The following SYNE1 variants were observed in gnomAD, a reference collection of about 807,000 sequenced individuals.
SYNE1 encodes nesprin-1.
Under a neutral mutation model 1,111.0 loss-of-function variants are expected in SYNE1, and 616 were observed. The ratio of observed to expected loss-of-function variants is 0.55; its 90% CI spans 0.52 to 0.59. The LOEUF is 0.59. Ranked by LOEUF, SYNE1 falls within the 20% of genes least tolerant of loss-of-function variation. The probability of loss-of-function intolerance (pLI) is 0.00; values close to 1 mark genes in which losing one functional copy is unlikely to be tolerated. For missense variants in SYNE1, 10,006 were observed against 10,417.0 expected, an observed-to-expected ratio of 0.96 and a Z score of 1.72; for synonymous variants, 3,855 against 3,825.8, an observed-to-expected ratio of 1.01 and a Z score of -0.28.
intron 4 of SYNE1, among the ~76,000 whole-genome samples, chr6:152,528,647 G>T (rs997036701): frequency 6.6e-6 from 1 of 152,130 alleles, no homozygotes; most frequent in Non-Finnish European, 1.5e-5. Flanking sequence ...TAATTTATTG[G>T]ATCTTGACTT....
At chr6:152,234,221 A>G (rs2083450769) in intron 111 of SYNE1, among the ~76,000 whole-genome samples, 1 of 152,230 alleles carries the variant, frequency 6.6e-6, no homozygotes, top group South Asian at 2.1e-4. Flanking sequence ...GAACACACAT[A>G]GTCAACATTA....
In SYNE1 at chr6:152,224,542, C is replaced by T. The variant is rs370065996; in HGVS notation, c.21474G>A (p.Leu7158=). 1.7e-5 allele frequency: 27 copies of T among 1,613,904 alleles called. No individual in the cohort carries two copies. The highest frequency in any genetic ancestry group is 1.0e-4 in the Admixed American group (6 of 59,998). ...GCACAGCTTCTAAGGAGCCAGTCAGCAGACGGAATCGGGAAAGAGAGTATC... is the reference window on the plus strand; with the variant it reads ...GCACAGCTTCTAAGGAGCCAGTCAGTAGACGGAATCGGGAAAGAGAGTATC... The part of the protein sequence containing the change: ...EARYSLSRFR[L]LTGSLEAVQV... Residue 7158 remains leucine (L), a synonymous_variant, in exon 117 of 146, where the codon CTG becomes CTA. Coordinates refer to ENST00000367255, the MANE Select transcript of SYNE1 (RefSeq NM_182961.4).
intron 46 of SYNE1, among the ~76,000 whole-genome samples, chr6:152,403,469 C>G (rs1391325215): frequency 1.3e-5 from 2 of 152,154 alleles, no homozygotes; most frequent in African/African-American, 2.4e-5. Context: ...ACCTGTAATC[C>G]CAGCACTTTG....
intron 130 of SYNE1, among the ~76,000 whole-genome samples, chr6:152,171,381 C>T (rs1027943038): frequency 6.6e-6 from 1 of 152,190 alleles, no homozygotes; most frequent in African/African-American, 2.4e-5. Flanking sequence ...TCAGCAAATA[C>T]GGGAGTGACT....
chr6:152,529,958 A>G (rs2099187966), intron 4 of SYNE1, among the ~76,000 whole-genome samples: 1 of 152,162 alleles, frequency 6.6e-6, no homozygotes, highest in South Asian at 2.1e-4. Flanking sequence ...CATTATTAGC[A>G]TAAAAAGATC....
At chr6:152,528,705 A>G (rs1009656194) in intron 4 of SYNE1, among the ~76,000 whole-genome samples, 26 of 152,288 alleles carry the variant, frequency 1.7e-4, no homozygotes, top group Non-Finnish European at 2.8e-4. Context: ...CCATGCCAGT[A>G]TATGTTAGAT....
chr6:152,374,175 A>G (rs977158506), intron 58 of SYNE1, among the ~76,000 whole-genome samples: 2 of 152,228 alleles, frequency 1.3e-5, no homozygotes, highest in African/African-American at 4.8e-5. Context: ...GTAGTTTAAT[A>G]AAGTGTAGCT....
chr6:152,537,735 C>T (rs1472620346), intron 4 of SYNE1, among the ~76,000 whole-genome samples: 1 of 152,154 alleles, frequency 6.6e-6, no homozygotes, highest in African/African-American at 2.4e-5. Context: ...ATTTGACTTC[C>T]TCTTTTCCTA....
At chr6:152,454,343 G>A (rs1202662663) in intron 24 of SYNE1, among the ~76,000 whole-genome samples, 1 of 152,284 alleles carries the variant, frequency 6.6e-6, no homozygotes, top group African/African-American at 2.4e-5. Flanking sequence ...GAGGTCATGG[G>A]GATGGGGTCC....
At chr6:152,522,544 A>T (rs2099144828) in intron 5 of SYNE1, among the ~76,000 whole-genome samples, 1 of 152,084 alleles carries the variant, frequency 6.6e-6, no homozygotes, top group South Asian at 2.1e-4. Flanking sequence ...CTTTGAAATA[A>T]TGACTTCTTT....
chr6:152,596,883 C>T (rs1033205437), intron 3 of SYNE1, among the ~76,000 whole-genome samples: 1 of 152,194 alleles, frequency 6.6e-6, no homozygotes, highest in African/African-American at 2.4e-5. Context: ...TCACAAAGGA[C>T]TGGTCCTCTC....
At position 152,255,705 on chromosome 6, in the gene SYNE1, C is replaced by T. The variant is rs985200493; in HGVS notation, c.19146G>A (p.Lys6382=). 6.2e-7 allele frequency: 1 copy of T among 1,614,102 alleles called. No individual in the cohort carries two copies. Among genetic ancestry groups the T allele is most frequent in the Non-Finnish European group, 8.5e-7 (1 of 1,180,048 alleles). ...AGGTGGCTGAGACTCCATCATACAA[C>T]TTCTGCTCCAAGTGTATACTCTGCC... The part of the protein sequence containing the change: ...AKRQSIHLEQ[K]LYDGVSATST... The change falls in exon 103 of 146, where the codon AAG becomes AAA. Residue 6382 remains lysine, a synonymous_variant. Coordinates refer to ENST00000367255, the MANE Select transcript of SYNE1 (RefSeq NM_182961.4).
intron 2 of SYNE1, among the ~76,000 whole-genome samples, chr6:152,632,717 C>T (rs2099699960): frequency 6.6e-6 from 1 of 151,954 alleles, no homozygotes; most frequent in African/African-American, 2.4e-5. Flanking sequence ...TTTTCTGAGC[C>T]CTTCTTTCAT....
At chr6:152,566,646 A>G (rs2099414518) in intron 3 of SYNE1, among the ~76,000 whole-genome samples, 1 of 152,220 alleles carries the variant, frequency 6.6e-6, no homozygotes, top group Non-Finnish European at 1.5e-5. Context: ...GTGGATGCCA[A>G]ATGGACATCA....
rs915404645 is a variant in SYNE1 at position 152,416,778 on chromosome 6, G to T, written c.5659C>A (p.Leu1887Met). Reference protein sequence around the residue: ...HASLSGILRQLRQTVEATNSM... With the variant: ...HASLSGILRQMRQTVEATNSM... ...TTGGTTGCTTCCACTGTTTGCCTCA[G>T]CTGGCGGAGAATGCCGGACAGAGAG... Residue 1887 changes from leucine to methionine, a missense_variant, in exon 41 of 146, where the codon CTG becomes ATG. Transcript: ENST00000367255. 2 of 1,614,082 alleles carry T rather than the reference G, an allele frequency of 1.2e-6. No homozygotes were observed. The highest frequency in any genetic ancestry group is 1.7e-5 in the Admixed American group (1 of 60,004).
intron 16 of SYNE1, among the ~76,000 whole-genome samples, chr6:152,470,612 C>T (rs907116114): frequency 7.9e-5 from 12 of 151,986 alleles, no homozygotes; most frequent in African/African-American, 2.9e-4. Context: ...TCACCCGTCA[C>T]AGAAAATGAA....
intron 127 of SYNE1, among the ~76,000 whole-genome samples, chr6:152,198,413 T>C (rs1436561190): frequency 6.6e-6 from 1 of 152,202 alleles, no homozygotes; most frequent in Non-Finnish European, 1.5e-5. Context: ...AATAAGGATG[T>C]TTTGCTTTCT....
chr6:152,274,658 G>A (rs556010942), intron 98 of SYNE1, among the ~76,000 whole-genome samples: 3 of 152,008 alleles, frequency 2.0e-5, no homozygotes, highest in Non-Finnish European at 4.4e-5. Flanking sequence ...GTGCAATGGC[G>A]TGATCTCGGC....
At chr6:152,194,868 T>C (rs952615475) in intron 127 of SYNE1, among the ~76,000 whole-genome samples, 1 of 152,206 alleles carries the variant, frequency 6.6e-6, no homozygotes, top group Non-Finnish European at 1.5e-5. Context: ...TCAATTTCTT[T>C]AATTTATCTG....
Sources: allele counts gnomAD v4.1 joint callset (sites outside exome capture counted in the v4.1 genomes callset), GRCh38; gene constraint gnomAD v4.1.1; transcripts MANE v1.5; gene names NCBI Gene and HGNC (gene_info 2026-07-23, HGNC 2026-07-21).